LMAN1L: variants seen among roughly 807,000 people sequenced by gnomAD.
LMAN1L encodes the protein lectin, mannose binding 1 like.
Under a neutral mutation model 58.3 loss-of-function variants are expected in LMAN1L, and 60 were observed. The ratio of observed to expected loss-of-function variants is 1.03; its 90% CI spans 0.84 to 1.27. LMAN1L has a LOEUF of 1.27. Ranked by LOEUF, LMAN1L falls within the 50% of genes most tolerant of loss-of-function variation. The pLI, the probability that LMAN1L is intolerant of heterozygous loss-of-function variation, is 0.00. For missense variants in LMAN1L, 629 were observed against 674.0 expected, an observed-to-expected ratio of 0.93 and a Z score of 0.74; for synonymous variants, 280 against 271.6, an observed-to-expected ratio of 1.03 and a Z score of -0.31.
chr15:74,819,710 T>A lies in LMAN1L; in HGVS notation c.719-334T>A, dbSNP rs140585402. 377 of 495,900 alleles carry A rather than the reference T, an allele frequency of 7.6e-4. 4 individuals carry two copies. The East Asian group carries it at 0.013, about 17-fold the overall frequency. 30.7% of individuals were successfully genotyped at this position (495,900 alleles called of 1,614,324 possible). ...AGAGCTATGCTGGAAAGGTGGCCAC[T>A]GTGCAGTTGCTACTACCAGTAGCAG... On this transcript the variant is annotated intron_variant, in intron 6 of 13. Coordinates refer to ENST00000309664, the MANE Select transcript of LMAN1L (RefSeq NM_021819.3).
At chr15:74,824,649 G>A in intron 13 of LMAN1L, 171 bp downstream of exon 13, 1 of 727,754 alleles carries the variant, frequency 1.4e-6, no homozygotes, top group Non-Finnish European at 2.2e-6. Context: ...AAGCACTACT[G>A]ACCACCTGCT....
Position 74,818,813 on chromosome 15 carries a change from T to TGC in LMAN1L, c.597_597+1dup. ...CGGATCACCTACTGGGGGCAGAGGC[T>TGC]GCGCGTGAGTCACCCTTCCTGCTTC... On this transcript the variant is annotated frameshift_variant, in exon 5 of 14. Transcript: ENST00000309664. LOFTEE classifies it high-confidence loss of function. 1.2e-6 allele frequency: 2 copies of TGC among 1,606,940 alleles called. No homozygotes were observed. The highest frequency in any genetic ancestry group is 1.7e-6 in the Non-Finnish European group (2 of 1,177,030).
intron 5 of LMAN1L, 28 bp from the exon 6 acceptor site, chr15:74,819,124 C>T: frequency 1.3e-6 from 2 of 1,583,470 alleles, no homozygotes; most frequent in Non-Finnish European, 1.7e-6. Context: ...GACACCCCCC[C>T]ACTGCTCACT....
At chr15:74,816,038 A>T in intron 1 of LMAN1L, 119 bp from the exon 2 acceptor site, 2 of 1,258,628 alleles carry the variant, frequency 1.6e-6, no homozygotes, top group Non-Finnish European at 2.1e-6. Flanking sequence ...CCGCTTATTT[A>T]ATGGTAGGCC....
intron 1 of LMAN1L, 114 bp from the exon 2 acceptor site, chr15:74,816,043 T>C (rs2141113575): frequency 7.7e-7 from 1 of 1,292,220 alleles, no homozygotes; most frequent in Non-Finnish European, 1.0e-6. Context: ...TATTTAATGG[T>C]AGGCCTTGGC....
At position 74,824,341 on chromosome 15, in the gene LMAN1L, C is replaced by A; in HGVS notation, c.1324-10C>A. 6.2e-7 allele frequency: 1 copy of A among 1,613,522 alleles called. No individual in the cohort carries two copies. Among genetic ancestry groups the A allele is most frequent in the African/African-American group, 1.3e-5 (1 of 75,060 alleles). On this transcript the variant is annotated splice_polypyrimidine_tract_variant and intron_variant, in intron 12 of 13. Transcript: ENST00000309664. The stretch of plus-strand genomic sequence containing the variant: ...AAGCTAAGCTAGGACCTTAGACTTT[C>A]CCCTTTCAGAAGGCAGCAGCCAAGG...
chr15:74,819,456 G>C (rs2063907360), intron 6 of LMAN1L, 184 bp downstream of exon 6: 1 of 755,456 alleles, frequency 1.3e-6, no homozygotes, highest in East Asian at 2.6e-5. Context: ...TAAAACAAGA[G>C]AAGCTTTGAT....
In LMAN1L at chr15:74,812,950, GTTTGAGT is replaced by G. The variant is rs1324884789; in HGVS notation, c.97_103del (p.Phe33ThrfsTer35). 1.7e-5 allele frequency: 27 copies of G among 1,614,016 alleles called. No individual in the cohort carries two copies. The highest frequency in any genetic ancestry group is 2.2e-5 in the Non-Finnish European group (26 of 1,180,018). On this transcript the variant is annotated frameshift_variant, in exon 1 of 14. Coordinates refer to ENST00000309664, the MANE Select transcript of LMAN1L (RefSeq NM_021819.3). LOFTEE classifies it high-confidence loss of function. The stretch of plus-strand genomic sequence containing the variant: ...AGACGGGGTGTCCTCCTCTACGCAG[GTTTGAGT>G]ACAAGCTCAGCTTCAAAGGCCCAAG...
chr15:74,817,022 G>A (rs550907999), intron 4 of LMAN1L, among the ~76,000 whole-genome samples: 14 of 152,314 alleles, frequency 9.2e-5, no homozygotes, highest in Admixed American at 9.1e-4. Context: ...GGGAAGGGAT[G>A]TGCCGTGCGC....
intron 7 of LMAN1L, 176 bp downstream of exon 7, chr15:74,820,275 C>T (rs956344855): frequency 2.1e-5 from 14 of 653,792 alleles, no homozygotes; most frequent in African/African-American, 5.4e-5. Flanking sequence ...TGTGAGGTCT[C>T]GCAGGCTGGC....
intron 13 of LMAN1L, 116 bp downstream of exon 13, chr15:74,824,594 CAAA>C: frequency 8.1e-7 from 1 of 1,229,616 alleles, no homozygotes; most frequent in Non-Finnish European, 1.2e-6. Context: ...GCCGAGTCCC[CAAA>C]TCACAAAGAG....
intron 10 of LMAN1L, among the ~76,000 whole-genome samples, chr15:74,822,162 C>A (rs552438540): frequency 2.6e-5 from 4 of 152,220 alleles, no homozygotes; most frequent in African/African-American, 9.6e-5. Context: ...CGAGACCATC[C>A]TGGCCAACAT....
Position 74,816,683 on chromosome 15 carries a change from C to A in LMAN1L, c.490C>A (p.Gln164Lys). The A allele has an allele frequency of 1.2e-6, 2 of 1,613,806 alleles. No individual in the cohort carries two copies. The highest frequency in any genetic ancestry group is 1.7e-6 in the Non-Finnish European group (2 of 1,179,834). The change falls in exon 4 of 14, where the codon CAG (glutamine) becomes AAG (lysine). Residue 164 changes from glutamine (Q) to lysine (K), a missense_variant. This residue lies in a region of LMAN1L where 573 missense variants were observed against 597.3 expected (regional missense o/e 0.96). Transcript: ENST00000309664. The part of the protein sequence containing the change: ...LASDGHIPSE[Q>K]PGDGASQGLG... ...CAGCGACGGGCACATCCCCTCTGAG[C>A]AGCCTGGGTAAGGGCCTGTCTGGAC... is the stretch of plus-strand genomic sequence containing the variant.
rs2141116037 is a variant in LMAN1L, at chr15:74,820,372, C to A, written c.775-263C>A. 1.1e-5 allele frequency: 7 copies of A among 619,190 alleles called. No homozygotes were observed. In the East Asian group the frequency reaches 1.6e-4, roughly 15 times the overall value. 38.4% of individuals were successfully genotyped at this position (619,190 alleles called of 1,614,324 possible). A position where few individuals can be genotyped will look rare whatever the true frequency, so the allele number is the denominator to read the frequency against. On this transcript the variant is annotated intron_variant, in intron 7 of 13. Transcript: ENST00000309664. ...GGCTGTGGGAGCACAGAGGAGGAGT[C>A]CCAACCAGCCAGGGGGTCAAGGAAG... is the stretch of plus-strand genomic sequence containing the variant.
At chr15:74,819,702 G>GTC (rs909179953) in intron 6 of LMAN1L, 1 of 492,940 alleles carries the variant, frequency 2.0e-6, no homozygotes, top group African/African-American at 1.9e-5. Flanking sequence ...TGCTGGAAAG[G>GTC]TGGCCACTGT....
chr15:74,823,080 C>A (rs1276736361), intron 11 of LMAN1L, among the ~76,000 whole-genome samples: 1 of 152,172 alleles, frequency 6.6e-6, no homozygotes. Flanking sequence ...TTGGATGAGA[C>A]AGTCCCTGAC....
rs1327101039 is a variant in LMAN1L, at chr15:74,818,056, G to A, written c.498-662G>A. ...AGAGAGAGAAGAAGGAGGGACGTAAGGGTGATAGGACGAGGGTGATAGGTG... is the reference window on the plus strand; with the variant it reads ...AGAGAGAGAAGAAGGAGGGACGTAAAGGTGATAGGACGAGGGTGATAGGTG... On this transcript the variant is annotated intron_variant, in intron 4 of 13. Transcript: ENST00000309664. 2.0e-5 allele frequency among the ~76,000 whole-genome samples: 3 copies of A among 151,020 alleles called. No individual in the cohort carries two copies. The South Asian group carries it at 6.3e-4, about 31-fold the overall frequency.
At chr15:74,820,967 C>T in intron 8 of LMAN1L, 108 bp from the exon 9 acceptor site, 1 of 1,373,682 alleles carries the variant, frequency 7.3e-7, no homozygotes, top group Non-Finnish European at 9.8e-7. Flanking sequence ...TTGGAGGCAG[C>T]AGCCACACCT....
chr15:74,825,705 C>T lies in LMAN1L; in HGVS notation c.*100C>T. 8.1e-7 allele frequency: 1 copy of T among 1,231,944 alleles called. No individual in the cohort carries two copies. Among genetic ancestry groups the T allele is most frequent in the South Asian group, 1.3e-5 (1 of 74,208 alleles). The allele number at this position is 1,231,944 out of a possible 1,614,324, so 76.3% of individuals were successfully genotyped here. On this transcript the variant is annotated 3_prime_UTR_variant, in exon 14 of 14. Transcript: ENST00000309664. ...CGTCTGGGTGCCCAGCTCCCACGCACACCTGAGCTTTCGGCATGCTCCCAC... is the reference window on the plus strand; with the variant it reads ...CGTCTGGGTGCCCAGCTCCCACGCATACCTGAGCTTTCGGCATGCTCCCAC...
Sources: gnomAD v4.1 joint callset for allele counts (sites outside exome capture counted in the v4.1 genomes callset) on GRCh38, gnomAD v4.1.1 for gene constraint, gnomAD v4.1.1 regional missense constraint, MANE v1.5 for transcripts, NCBI Gene and HGNC (gene_info 2026-07-23, HGNC 2026-07-21) for gene names.